PPP2R5C: variants seen among roughly 807,000 people sequenced by gnomAD.
PPP2R5C encodes the protein protein phosphatase 2 regulatory subunit B'gamma, also known as serine/threonine-protein phosphatase 2A 56 kDa regulatory subunit gamma isoform.
Under a neutral mutation model 68.9 loss-of-function variants are expected in PPP2R5C, and 7 were observed. The ratio of observed to expected loss-of-function variants is 0.10; its 90% confidence interval spans 0.06 to 0.19. PPP2R5C has a LOEUF of 0.19. Ranked by LOEUF, PPP2R5C falls within the 10% of genes least tolerant of loss-of-function variation. The pLI, the probability that PPP2R5C is intolerant of heterozygous loss-of-function variation, is 1.00. For synonymous variants in PPP2R5C, 210 were observed against 222.2 expected, an observed-to-expected ratio of 0.95 and a Z score of 0.49; for missense variants, 348 against 641.3, an observed-to-expected ratio of 0.54 and a Z score of 4.94.
At chr14:101,854,222 A>G (rs1322140271) in intron 1 of PPP2R5C, among the ~76,000 whole-genome samples, 3 of 151,936 alleles carry the variant, frequency 2.0e-5, no homozygotes, top group East Asian at 3.9e-4. Context: ...AGTACACCCC[A>G]CTCCCATGGC....
chr14:101,885,057 C>T (rs758124212), intron 5 of PPP2R5C, among the ~76,000 whole-genome samples: 3 of 152,228 alleles, frequency 2.0e-5, no homozygotes, highest in Non-Finnish European at 4.4e-5. Flanking sequence ...GTGACACATC[C>T]TGGTGATGGT....
At position 101,882,383 on chromosome 14, in the gene PPP2R5C, G is replaced by A. The variant is rs1566936483; in HGVS notation, c.405+112G>A. The A allele has an allele frequency of 2.9e-6, 2 of 689,076 alleles. No individual in the cohort carries two copies. Among genetic ancestry groups the A allele is most frequent in the South Asian group, 4.5e-5 (2 of 44,810 alleles). The allele number at this position is 689,076 out of a possible 1,614,324, so 42.7% of individuals were successfully genotyped here. ...CCAGATGGACCTCTCCTCCTCAGTA[G>A]CATGGGCCTCGTAAACCCATATGTA... On this transcript the variant is annotated intron_variant, in intron 3 of 13. Coordinates refer to ENST00000334743, the Ensembl canonical transcript of PPP2R5C. The surrounding 1 kb of genome is among the most constrained non-coding windows in gnomAD (Gnocchi z 4.9).
chr14:101,764,980 A>G (rs2036776918), intron 2 of PPP2R5C, among the ~76,000 whole-genome samples: 1 of 152,144 alleles, frequency 6.6e-6, no homozygotes, highest in Non-Finnish European at 1.5e-5. Context: ...TCCTGGCTGT[A>G]AGGATGAATA....
chr14:101,834,276 C>T (rs1262005210), intron 1 of PPP2R5C, among the ~76,000 whole-genome samples: 3 of 152,296 alleles, frequency 2.0e-5, no homozygotes, highest in African/African-American at 4.8e-5. Flanking sequence ...TGACTGGGTC[C>T]GGTTCTCCTG....
chr14:101,900,871 G>A (rs1371725900), intron 8 of PPP2R5C, among the ~76,000 whole-genome samples: 1 of 152,246 alleles, frequency 6.6e-6, no homozygotes, highest in East Asian at 1.9e-4. Context: ...CCTGGCTACA[G>A]CTGCCACTGC....
At chr14:101,920,419 T>C (rs2046944935) in intron 13 of PPP2R5C, among the ~76,000 whole-genome samples, 2 of 152,268 alleles carry the variant, frequency 1.3e-5, no homozygotes, top group Non-Finnish European at 2.9e-5. Context: ...GGAGAACTCC[T>C]GTAGCATGTC....
At chr14:101,907,215 G>T (rs114712868) in intron 10 of PPP2R5C, among the ~76,000 whole-genome samples, 15 of 151,612 alleles carry the variant, frequency 9.9e-5, no homozygotes, top group African/African-American at 3.2e-4. Flanking sequence ...ATGTCCCCCC[G>T]GCTGGAGTGT....
chr14:101,809,515 T>G (rs1374748014), upstream of PPP2R5C, among the ~76,000 whole-genome samples: 19 of 149,570 alleles, frequency 1.3e-4, no homozygotes, highest in Admixed American at 1.3e-3. Flanking sequence ...GATCCCTCAC[T>G]GGGAAATGCT....
upstream of PPP2R5C, among the ~76,000 whole-genome samples, chr14:101,809,127 C>A (rs2039201360): frequency 6.6e-6 from 1 of 152,028 alleles, no homozygotes; most frequent in African/African-American, 2.4e-5. Flanking sequence ...AATAAACATG[C>A]TCCATTTCAT....
Position 101,870,040 on chromosome 14 carries a change from C to CT in PPP2R5C, c.295-12095dup, listed in dbSNP as rs141433870. Among the ~76,000 whole-genome samples, 463 of 53,082 alleles carry CT rather than the reference C, an allele frequency of 8.7e-3. 12 individuals are homozygous for CT. The highest frequency in any genetic ancestry group is 0.011 in the African/African-American group (156 of 13,804). The allele number at this position is 53,082 out of a possible 152,430, so 34.8% of individuals were successfully genotyped here. ...ATTGTTTGCCTGTTTTTCAATTGGG[C>CT]TTTTTTTTTTTTTTTTTTTTTTTTT... On this transcript the variant is annotated intron_variant, in intron 2 of 13. Coordinates refer to ENST00000334743, the Ensembl canonical transcript of PPP2R5C.
intron 2 of PPP2R5C, among the ~76,000 whole-genome samples, chr14:101,871,556 T>G (rs2043415125): frequency 1.3e-5 from 2 of 152,208 alleles, no homozygotes; most frequent in African/African-American, 4.8e-5. Context: ...TCTTGCTTTT[T>G]TATTCAGTCA....
rs1039609739 is a variant in PPP2R5C at position 101,916,408 on chromosome 14, G to A, written c.1327-1423G>A. ...GCATGGAAGCCAGGGTGAATAAGGA[G>A]GGACAGAGGGTGTGGGAAAAGGCCG... On this transcript the variant is annotated intron_variant, in intron 12 of 13. Coordinates refer to ENST00000334743, the Ensembl canonical transcript of PPP2R5C. This position sits in a 1 kb window ranked among gnomAD's most constrained non-coding sequence, Gnocchi z 5.5. Among the ~76,000 whole-genome samples the A allele has an allele frequency of 6.6e-6, 1 of 152,170 alleles. No homozygotes were observed.
At chr14:101,792,297 C>A (rs1440449802) in intron 3 of PPP2R5C, among the ~76,000 whole-genome samples, 1 of 152,168 alleles carries the variant, frequency 6.6e-6, no homozygotes, top group Non-Finnish European at 1.5e-5. Context: ...ACATATTTCC[C>A]TTTACAATTC....
chr14:101,849,536 T>C (rs1303087993), intron 1 of PPP2R5C, among the ~76,000 whole-genome samples: 1 of 146,748 alleles, frequency 6.8e-6, no homozygotes, highest in Non-Finnish European at 1.5e-5. Flanking sequence ...GAAGTTTTCT[T>C]ACTGAGTTAT....
intron 2 of PPP2R5C, among the ~76,000 whole-genome samples, chr14:101,869,354 G>A (rs1487580492): frequency 6.6e-6 from 1 of 152,180 alleles, no homozygotes; most frequent in African/African-American, 2.4e-5. Flanking sequence ...TATTTGAGGT[G>A]TTTCCAGTTT....
rs2046511223 is a variant in PPP2R5C, at chr14:101,913,832, A to G, written c.1326+1359A>G. ...AGGATTGTCAAGGACCCCAGTACAC[A>G]TGCAGTTGAAATCAGTAGCCTCGAA... is the stretch of plus-strand genomic sequence containing the variant. On this transcript the variant is annotated intron_variant, in intron 12 of 13. Coordinates refer to ENST00000334743, the Ensembl canonical transcript of PPP2R5C. This position sits in a 1 kb window ranked among gnomAD's most constrained non-coding sequence, Gnocchi z 4.1. 6.6e-6 allele frequency among the ~76,000 whole-genome samples: 1 copy of G among 152,208 alleles called. No homozygotes were observed. The highest frequency in any genetic ancestry group is 1.5e-5 in the Non-Finnish European group (1 of 68,040).
intron 2 of PPP2R5C, among the ~76,000 whole-genome samples, chr14:101,784,512 G>GT (rs1566835605): frequency 7.0e-6 from 1 of 142,444 alleles, no homozygotes. Flanking sequence ...AGAGAAAGTG[G>GT]GGGGGGGGAA....
chr14:101,785,045 G>T (rs534876789), intron 2 of PPP2R5C, among the ~76,000 whole-genome samples: 1 of 152,332 alleles, frequency 6.6e-6, no homozygotes, highest in South Asian at 2.1e-4. Context: ...TGGCAGCGTT[G>T]CAGGTTGGCT....
In PPP2R5C at chr14:101,906,851, G is replaced by A. The variant is rs941865436; in HGVS notation, c.1151+322G>A. ...GCAGAGCCCAGTGGGGCTCAGCCCC[G>A]GCGGGGGCACAGTGGCCACTGCATT... On this transcript the variant is annotated intron_variant, in intron 10 of 13. Coordinates refer to ENST00000334743, the Ensembl canonical transcript of PPP2R5C. The surrounding 1 kb of genome is among the most constrained non-coding windows in gnomAD (Gnocchi z 4.0). Among the ~76,000 whole-genome samples the A allele has an allele frequency of 1.2e-4, 19 of 152,200 alleles. No individual in the cohort carries two copies. The highest frequency in any genetic ancestry group is 2.2e-4 in the African/African-American group (9 of 41,536).
Sources: gnomAD v4.1 joint callset for allele counts (sites outside exome capture counted in the v4.1 genomes callset) on GRCh38, gnomAD v4.1.1 for gene constraint, Gnocchi (gnomAD v3.1) non-coding constraint, MANE v1.5 for transcripts, NCBI Gene and HGNC (gene_info 2026-07-23, HGNC 2026-07-21) for gene names.